Variants in CNTLN observed in about 807,000 individuals in gnomAD.
CNTLN encodes centlein, also known as centlein, centrosomal protein.
A neutral mutation model predicts 180.0 loss-of-function variants in CNTLN; 212 were observed. The ratio of observed to expected loss-of-function variants is 1.18; its 90% confidence interval spans 1.05 to 1.32. The LOEUF is 1.32. CNTLN is among the 40% of genes most tolerant of loss of function. The pLI is 0.00. For synonymous variants in CNTLN, 722 were observed against 563.1 expected, an observed-to-expected ratio of 1.28 and a Z score of -3.99; for missense variants, 2,095 against 1,610.9, an observed-to-expected ratio of 1.30 and a Z score of -5.14.
intron 13 of CNTLN, among the ~76,000 whole-genome samples, chr9:17,369,943 C>T (rs1020850493): frequency 2.7e-5 from 4 of 150,286 alleles, no homozygotes; most frequent in African/African-American, 7.4e-5. Context: ...ATCGAGATCA[C>T]GCCACTGCAC....
chr9:17,319,132 A>G (rs369160719), intron 8 of CNTLN, among the ~76,000 whole-genome samples: 14 of 152,336 alleles, frequency 9.2e-5, no homozygotes, highest in South Asian at 8.3e-4. Context: ...AAAACAACGT[A>G]TGTCATTTTG....
At chr9:17,287,511 G>T (rs1324227246) in intron 6 of CNTLN, among the ~76,000 whole-genome samples, 1 of 151,190 alleles carries the variant, frequency 6.6e-6, no homozygotes, top group Non-Finnish European at 1.5e-5. Context: ...TCAGAATGAT[G>T]CTGGCCTCAT....
chr9:17,220,612 A>G (rs1230743613), intron 2 of CNTLN, among the ~76,000 whole-genome samples: 1 of 152,086 alleles, frequency 6.6e-6, no homozygotes, highest in Non-Finnish European at 1.5e-5. Flanking sequence ...GATAGGACCC[A>G]GTGTGTGTTG....
Position 17,340,877 on chromosome 9 carries a change from G to A in CNTLN, c.1695G>A (p.Arg565=), listed in dbSNP as rs750055125. The A allele has an allele frequency of 1.2e-6, 2 of 1,612,354 alleles. No individual in the cohort carries two copies. The highest frequency in any genetic ancestry group is 8.5e-7 in the Non-Finnish European group (1 of 1,179,024). The change falls in exon 11 of 26, where the codon CGG becomes CGA. Residue 565 remains arginine, a synonymous_variant. Transcript: ENST00000380647. ...ATGCCCATGAAAAACGCAAGGAACG[G>A]CTACAGATGTTACAGACCAACTACA... The part of the protein sequence containing the change: ...LRDAHEKRKE[R]LQMLQTNYRA...
chr9:17,485,661 T>C (rs965349101), intron 24 of CNTLN, among the ~76,000 whole-genome samples: 2 of 152,064 alleles, frequency 1.3e-5, no homozygotes, highest in African/African-American at 4.8e-5. Context: ...TGCCTAGAAA[T>C]TTTAAAACAC....
At chr9:17,478,293 T>G (rs1346215346) in intron 23 of CNTLN, among the ~76,000 whole-genome samples, 1 of 152,218 alleles carries the variant, frequency 6.6e-6, no homozygotes, top group African/African-American at 2.4e-5. Context: ...GTCTCAAGTA[T>G]GCCTGTATTT....
chr9:17,328,003 A>G (rs1225643057), intron 8 of CNTLN, among the ~76,000 whole-genome samples: 1 of 152,172 alleles, frequency 6.6e-6, no homozygotes. Context: ...TAAAATCTTT[A>G]AGGAAATTCA....
At chr9:17,164,168 C>G (rs1270135120) in intron 2 of CNTLN, among the ~76,000 whole-genome samples, 2 of 151,642 alleles carry the variant, frequency 1.3e-5, no homozygotes, top group East Asian at 3.9e-4. Context: ...AAAAATTAAA[C>G]TGGCATGGTG....
chr9:17,433,952 A>G (rs985766560), intron 18 of CNTLN, among the ~76,000 whole-genome samples: 3 of 152,186 alleles, frequency 2.0e-5, no homozygotes, highest in African/African-American at 7.2e-5. Context: ...TGATAATAAG[A>G]GTTTTCCCCA....
intron 23 of CNTLN, among the ~76,000 whole-genome samples, chr9:17,482,052 A>G (rs905482012): frequency 1.3e-5 from 2 of 152,240 alleles, no homozygotes; most frequent in African/African-American, 2.4e-5. Context: ...ATCATGGAAA[A>G]ATGACATAAT....
At chr9:17,234,456 A>C (rs543129452) in intron 3 of CNTLN, among the ~76,000 whole-genome samples, 2 of 152,154 alleles carry the variant, frequency 1.3e-5, no homozygotes, top group Admixed American at 6.5e-5. Flanking sequence ...CTCAAAAAAA[A>C]CTAACTAAAT....
rs140517281 is a variant in CNTLN at position 17,337,580 on chromosome 9, G to T, written c.1645-3247G>T. Among the ~76,000 whole-genome samples, 63 of 152,290 alleles carry T rather than the reference G, an allele frequency of 4.1e-4. No individual in the cohort carries two copies. In the East Asian group the frequency reaches 0.011, roughly 27 times the overall value. On this transcript the variant is annotated intron_variant, in intron 10 of 25. Transcript: ENST00000380647. The stretch of plus-strand genomic sequence containing the variant: ...TTTATTAATTAAAGTGCCTAGTACA[G>T]AGTCTGGCACATCATGAATGACATA...
At chr9:17,404,738 A>AT (rs36050481) in intron 15 of CNTLN, among the ~76,000 whole-genome samples, 98,498 of 135,452 alleles carry the variant, frequency 0.73, 37,483 homozygotes, top group Non-Finnish European at 0.83. Context: ...TCTGAAACAA[A>AT]TTTTTTTTTT....
intron 15 of CNTLN, among the ~76,000 whole-genome samples, chr9:17,401,725 T>C (rs1255710510): frequency 6.6e-6 from 1 of 151,808 alleles, no homozygotes; most frequent in Non-Finnish European, 1.5e-5. Flanking sequence ...TACAAGAAAT[T>C]ACAAGATTAC....
chr9:17,417,779 T>A (rs1340042843), intron 18 of CNTLN, among the ~76,000 whole-genome samples: 2 of 152,046 alleles, frequency 1.3e-5, no homozygotes, highest in African/African-American at 2.4e-5. Flanking sequence ...AGACATACTT[T>A]TTTTTCCTTT....
chr9:17,187,063 CT>C (rs1025405114), intron 2 of CNTLN, among the ~76,000 whole-genome samples: 19 of 152,028 alleles, frequency 1.2e-4, no homozygotes, highest in Admixed American at 6.5e-4. Context: ...TTTCTGACCC[CT>C]GATCTACCTG....
At chr9:17,225,145 A>C (rs1358885628) in intron 2 of CNTLN, among the ~76,000 whole-genome samples, 1 of 151,898 alleles carries the variant, frequency 6.6e-6, no homozygotes, top group Non-Finnish European at 1.5e-5. Flanking sequence ...ACATCTATAA[A>C]CTTTTGCCTT....
chr9:17,505,307 G>A (rs1020221743), downstream of CNTLN, among the ~76,000 whole-genome samples: 6 of 151,992 alleles, frequency 3.9e-5, no homozygotes, highest in East Asian at 1.9e-4. Flanking sequence ...TCAACATAAC[G>A]TGGGAAATTC....
chr9:17,248,945 T>C (rs893284147), intron 5 of CNTLN, among the ~76,000 whole-genome samples: 1 of 152,102 alleles, frequency 6.6e-6, no homozygotes, highest in African/African-American at 2.4e-5. Context: ...ATTTTAGTTA[T>C]TTGCATCCTT....
Sources: gnomAD v4.1 joint callset for allele counts (sites outside exome capture counted in the v4.1 genomes callset) on GRCh38, gnomAD v4.1.1 for gene constraint, MANE v1.5 for transcripts, NCBI Gene and HGNC (gene_info 2026-07-23, HGNC 2026-07-21) for gene names.